RNF152: variants seen among roughly 807,000 people sequenced by gnomAD.
RNF152 encodes ring finger protein 152.
RNF152 carries 11 observed loss-of-function variants against 12.7 expected under a neutral mutation model. The ratio of observed to expected loss-of-function variants is 0.86; its 90% CI spans 0.54 to 1.43. The LOEUF (loss-of-function observed/expected upper bound fraction) is 1.43. RNF152 is among the 40% of genes most tolerant of loss of function. The pLI, the probability that RNF152 is intolerant of heterozygous loss-of-function variation, is 0.00. For synonymous variants in RNF152, 113 were observed against 120.3 expected (o/e 0.94, Z 0.40); for missense variants, 255 against 274.8 (o/e 0.93, Z 0.51).
At chr18:61,850,304 T>G (rs1282196770) in intron 1 of RNF152, among the ~76,000 whole-genome samples, 1 of 152,256 alleles carries the variant, frequency 6.6e-6, no homozygotes, top group Non-Finnish European at 1.5e-5. Context: ...GCCCTTGACA[T>G]ATCATCTGGC....
chr18:61,870,058 T>TA (rs1324536313), intron 1 of RNF152, among the ~76,000 whole-genome samples: 1 of 152,150 alleles, frequency 6.6e-6, no homozygotes, highest in East Asian at 1.9e-4. Context: ...TGTTATACCA[T>TA]AAAAAAGTAT....
intron 1 of RNF152, among the ~76,000 whole-genome samples, chr18:61,884,260 G>A (rs1912593372): frequency 6.6e-6 from 1 of 152,056 alleles, no homozygotes; most frequent in Admixed American, 6.5e-5. Flanking sequence ...CAGACCTTGT[G>A]CACTCAGGTC....
At chr18:61,843,645 C>T (rs997989081) in intron 1 of RNF152, among the ~76,000 whole-genome samples, 4 of 152,082 alleles carry the variant, frequency 2.6e-5, no homozygotes, top group African/African-American at 7.2e-5. Context: ...AATTCTGACA[C>T]GTTACGACAT....
intron 1 of RNF152, among the ~76,000 whole-genome samples, chr18:61,870,183 A>C (rs1911926228): frequency 6.6e-6 from 1 of 152,186 alleles, no homozygotes; most frequent in East Asian, 1.9e-4. Flanking sequence ...GATTATAAAG[A>C]AGCTGTGTCG....
intron 1 of RNF152, among the ~76,000 whole-genome samples, chr18:61,878,055 A>G (rs1401853406): frequency 6.6e-6 from 1 of 152,226 alleles, no homozygotes; most frequent in Admixed American, 6.5e-5. Context: ...TGACCAGCAG[A>G]TTAGAAAGAG....
intron 1 of RNF152, among the ~76,000 whole-genome samples, chr18:61,842,210 C>G (rs540464828): frequency 6.6e-6 from 1 of 152,188 alleles, no homozygotes; most frequent in South Asian, 2.1e-4. Context: ...AACAATTTGT[C>G]GTGAACAAGC....
intron 1 of RNF152, among the ~76,000 whole-genome samples, chr18:61,823,162 G>A (rs533321285): frequency 6.6e-6 from 1 of 152,212 alleles, no homozygotes; most frequent in Non-Finnish European, 1.5e-5. Flanking sequence ...TGTTTTAATG[G>A]AGCAGGACTT....
chr18:61,815,913 C>G lies in RNF152; in HGVS notation c.551G>C (p.Gly184Ala). 6.2e-7 allele frequency: 1 copy of G among 1,614,198 alleles called. No homozygotes were observed. The highest frequency in any genetic ancestry group is 8.5e-7 in the Non-Finnish European group (1 of 1,180,040). The change falls in exon 2 of 2, where the codon GGC (glycine) becomes GCC (alanine). Residue 184 changes from glycine (G) to alanine (A), a missense_variant. Gly to Ala is a moderately conservative substitution (Grantham distance 60). Transcript: ENST00000312828. ...LVACVLVFLL[G>A]IVLHNMSCIS... Reference sequence around the variant, plus strand: ...GCAAGACATGTTGTGAAGCACGATGCCGAGGAGGAAGACCAAGACGCAAGC... The same window carrying G: ...GCAAGACATGTTGTGAAGCACGATGGCGAGGAGGAAGACCAAGACGCAAGC...
At chr18:61,872,945 T>C (rs1397906891) in intron 1 of RNF152, among the ~76,000 whole-genome samples, 1 of 152,220 alleles carries the variant, frequency 6.6e-6, no homozygotes, top group Non-Finnish European at 1.5e-5. Context: ...TTATTTTGTT[T>C]CTGATAATAG....
At position 61,814,844 on chromosome 18, in the gene RNF152, C is replaced by A. The variant is rs1252506095; in HGVS notation, c.*1008G>T. 6.6e-6 allele frequency: 1 copy of A among 152,204 alleles called. No individual in the cohort carries two copies. The highest frequency in any genetic ancestry group is 6.5e-5 in the Admixed American group (1 of 15,284). 9.4% of individuals were successfully genotyped at this position (152,204 alleles called of 1,614,324 possible). ...CTCTTCTGTTACTCTCCATTTGCCT[C>A]TTACAAAATGCAGGACTTAAATACA... On this transcript the variant is annotated 3_prime_UTR_variant, in exon 2 of 2. Coordinates refer to ENST00000312828, the MANE Select transcript of RNF152 (RefSeq NM_173557.3).
chr18:61,882,695 G>T (rs1404543752), intron 1 of RNF152, among the ~76,000 whole-genome samples: 1 of 152,122 alleles, frequency 6.6e-6, no homozygotes, highest in Non-Finnish European at 1.5e-5. Flanking sequence ...AGAGAGAGAG[G>T]AAATGCTGGC....
At chr18:61,836,475 ATAAG>A (rs1910191181) in intron 1 of RNF152, among the ~76,000 whole-genome samples, 1 of 152,162 alleles carries the variant, frequency 6.6e-6, no homozygotes, top group Non-Finnish European at 1.5e-5. Context: ...TAGTGCCCTT[ATAAG>A]AAGAAGAAAA....
At chr18:61,822,501 A>T (rs8088862) in intron 1 of RNF152, among the ~76,000 whole-genome samples, 3,720 of 152,334 alleles carry the variant, frequency 0.024, 135 homozygotes, top group African/African-American at 0.084. Flanking sequence ...AAGTGCGCGC[A>T]TTCATTTGGT....
At chr18:61,823,119 C>T (rs2144629725) in intron 1 of RNF152, among the ~76,000 whole-genome samples, 1 of 152,308 alleles carries the variant, frequency 6.6e-6, no homozygotes, top group Admixed American at 6.5e-5. Context: ...CTGCTGCATA[C>T]ATGCGTAGTC....
chr18:61,880,915 T>C (rs1196731242), intron 1 of RNF152, among the ~76,000 whole-genome samples: 1 of 96,372 alleles, frequency 1.0e-5, no homozygotes, highest in Non-Finnish European at 1.8e-5. Flanking sequence ...CTAGTTTTCT[T>C]TTTTTTTTTT....
Position 61,815,684 on chromosome 18 carries a change from C to T in RNF152, c.*168G>A, listed in dbSNP as rs138225766. On this transcript the variant is annotated 3_prime_UTR_variant, in exon 2 of 2. Coordinates refer to ENST00000312828, the MANE Select transcript of RNF152 (RefSeq NM_173557.3). The stretch of plus-strand genomic sequence containing the variant: ...AATTCACCTGGTATCTTGTTGAGAC[C>T]GCACCTTCTGCCCTTTGTGTCTGTC... 1.2e-4 allele frequency: 80 copies of T among 663,016 alleles called. 1 individual carries two copies. The highest frequency in any genetic ancestry group is 8.5e-4 in the African/African-American group (47 of 55,160). 41.1% of individuals were successfully genotyped at this position (663,016 alleles called of 1,614,324 possible). A position where few individuals can be genotyped will look rare whatever the true frequency, so the allele number is the denominator to read the frequency against.
At position 61,812,994 on chromosome 18, in the gene RNF152, C is replaced by T. The variant is rs79081276; in HGVS notation, c.*2858G>A. The T allele has an allele frequency of 0.25, 37,645 of 152,088 alleles. 4,816 individuals are homozygous for T. Among genetic ancestry groups the T allele is most frequent in the African/African-American group, 0.31 (12,804 of 41,446 alleles). The allele number at this position is 152,088 out of a possible 1,614,324, so 9.4% of individuals were successfully genotyped here. A position where few individuals can be genotyped will look rare whatever the true frequency, so the allele number is the denominator to read the frequency against. ...TGCAGTGCGAAGTTCATATCCCCCC[C>T]TTTCTGCAGAATTACAAAACGGACT... On this transcript the variant is annotated 3_prime_UTR_variant, in exon 2 of 2. Coordinates refer to ENST00000312828, the MANE Select transcript of RNF152 (RefSeq NM_173557.3).
Position 61,812,938 on chromosome 18 carries a change from T to G in RNF152, c.*2914A>C, listed in dbSNP as rs139764103. 1 of 152,144 alleles carries G rather than the reference T, an allele frequency of 6.6e-6. No homozygotes were observed. Among genetic ancestry groups the G allele is most frequent in the Non-Finnish European group, 1.5e-5 (1 of 68,032 alleles). The allele number at this position is 152,144 out of a possible 1,614,324, so 9.4% of individuals were successfully genotyped here. A position where few individuals can be genotyped will look rare whatever the true frequency, so the allele number is the denominator to read the frequency against. ...AAAGGATCATAGCCAGATAGAGATA[T>G]AGACAGACCTAGGATGGAGCAAGAA... On this transcript the variant is annotated 3_prime_UTR_variant, in exon 2 of 2. Transcript: ENST00000312828.
rs149213369 is a variant in RNF152, at chr18:61,814,390, T to A, written c.*1462A>T. The A allele has an allele frequency of 3.9e-5, 6 of 152,350 alleles. No individual in the cohort carries two copies. In the East Asian group the frequency reaches 1.2e-3, roughly 29 times the overall value. 9.4% of individuals were successfully genotyped at this position (152,350 alleles called of 1,614,324 possible). A position where few individuals can be genotyped will look rare whatever the true frequency, so the allele number is the denominator to read the frequency against. ...ATTTATAAGTGGAGTCCTTGTCACA[T>A]ACCACTTGCTTCATGAATTCCATAA... On this transcript the variant is annotated 3_prime_UTR_variant, in exon 2 of 2. Transcript: ENST00000312828.
Sources: gnomAD v4.1 joint callset for allele counts (sites outside exome capture counted in the v4.1 genomes callset) on GRCh38, gnomAD v4.1.1 for gene constraint, MANE v1.5 for transcripts, NCBI Gene and HGNC (gene_info 2026-07-23, HGNC 2026-07-21) for gene names.